ABHD2: variants seen among roughly 807,000 people sequenced by gnomAD.
ABHD2 encodes abhydrolase domain containing 2, acylglycerol lipase.
In ABHD2, 20 loss-of-function variants were observed where a neutral mutation model predicts 48.1. The observed-to-expected ratio is 0.42, with a 90% CI of 0.29 to 0.60. The LOEUF (loss-of-function observed/expected upper bound fraction) is 0.60. Ranked by LOEUF, ABHD2 falls within the 20% of genes least tolerant of loss-of-function variation. The pLI, the probability that ABHD2 is intolerant of heterozygous loss-of-function variation, is 0.24. For missense variants in ABHD2, 405 were observed against 550.9 expected (o/e 0.74, Z 2.65); for synonymous variants, 209 against 214.2 (o/e 0.98, Z 0.21).
chr15:89,193,486 A>T (rs1052273173), intron 10 of ABHD2, 167 bp downstream of exon 10: 1 of 637,092 alleles, frequency 1.6e-6, no homozygotes, highest in Admixed American at 2.6e-5. Context: ...TCGGGCTGTG[A>T]TGGGGCTTGG....
chr15:89,057,912 C>A, the ABHD2 span, among the ~76,000 whole-genome samples: 2 of 152,184 alleles, frequency 1.3e-5, no homozygotes, highest in South Asian at 2.1e-4. Context: ...TTCTTTCCTG[C>A]AGCTCTTCGC....
chr15:89,131,436 T>A (rs981513952), intron 3 of ABHD2, among the ~76,000 whole-genome samples: 2 of 152,192 alleles, frequency 1.3e-5, no homozygotes, highest in Admixed American at 1.3e-4. Flanking sequence ...TGATAGCATC[T>A]GGTGTGGCCT....
chr15:89,134,234 G>T (rs969245757), intron 3 of ABHD2, among the ~76,000 whole-genome samples: 8 of 152,238 alleles, frequency 5.3e-5, no homozygotes, highest in East Asian at 3.9e-4. Context: ...CTTCTTCACT[G>T]CAAGATTATT....
At chr15:89,061,310 C>T in the ABHD2 span, among the ~76,000 whole-genome samples, 4 of 151,546 alleles carry the variant, frequency 2.6e-5, no homozygotes, top group South Asian at 4.2e-4. Context: ...CCCAGCTACT[C>T]GGGAGGCTGA....
Position 89,182,028 on chromosome 15 carries a change from A to G in ABHD2, c.723-3396A>G, listed in dbSNP as rs888903154. 1.1e-4 allele frequency among the ~76,000 whole-genome samples: 17 copies of G among 152,228 alleles called. No homozygotes were observed. Among genetic ancestry groups the G allele is most frequent in the African/African-American group, 4.1e-4 (17 of 41,458 alleles). On this transcript the variant is annotated intron_variant, in intron 6 of 10. Transcript: ENST00000352732. This position sits in a 1 kb window ranked among gnomAD's most constrained non-coding sequence, Gnocchi z 4.8. ...TCATATTTTATTATAATTTAATGTTACATTGATTAGAAATGAAGGCATTTT... is the reference window on the plus strand; with the variant it reads ...TCATATTTTATTATAATTTAATGTTGCATTGATTAGAAATGAAGGCATTTT...
At chr15:89,048,133 T>G in the ABHD2 span, among the ~76,000 whole-genome samples, 2 of 151,180 alleles carry the variant, frequency 1.3e-5, no homozygotes, top group Admixed American at 1.3e-4. Context: ...GTCTGTAAAG[T>G]ATTTTATTTC....
chr15:89,116,663 G>A lies in ABHD2; in HGVS notation c.194+142G>A, dbSNP rs1438541480. 2.3e-6 allele frequency: 2 copies of A among 867,840 alleles called. No homozygotes were observed. Among genetic ancestry groups the A allele is most frequent in the Non-Finnish European group, 3.5e-6 (2 of 576,150 alleles). The allele number at this position is 867,840 out of a possible 1,614,324, so 53.8% of individuals were successfully genotyped here. A position where few individuals can be genotyped will look rare whatever the true frequency, so the allele number is the denominator to read the frequency against. ...ACTGGTGTTAAAATAGCCACAGTCT[G>A]ATTGCAGTCTAGTGTTTGAATCCTG... On this transcript the variant is annotated intron_variant, in intron 3 of 10. Transcript: ENST00000352732. This position sits in a 1 kb window ranked among gnomAD's most constrained non-coding sequence, Gnocchi z 4.6.
chr15:89,195,517 G>C lies in ABHD2; in HGVS notation c.*94G>C, dbSNP rs2051387146. Reference sequence around the variant, plus strand: ...GGTCTCCCATCTCCCTCAGTGACCTGGATCTGACCTCACACCATCAGCAGG... The same window carrying C: ...GGTCTCCCATCTCCCTCAGTGACCTCGATCTGACCTCACACCATCAGCAGG... On this transcript the variant is annotated 3_prime_UTR_variant, in exon 11 of 11. Transcript: ENST00000352732. The surrounding 1 kb of genome is among the most constrained non-coding windows in gnomAD (Gnocchi z 5.1). 1 of 1,376,390 alleles carries C rather than the reference G, an allele frequency of 7.3e-7. No homozygotes were observed. The highest frequency in any genetic ancestry group is 1.4e-5 in the South Asian group (1 of 71,012). The allele number at this position is 1,376,390 out of a possible 1,614,324, so 85.3% of individuals were successfully genotyped here.
the ABHD2 span, among the ~76,000 whole-genome samples, chr15:89,066,902 A>G: frequency 6.6e-6 from 1 of 152,220 alleles, no homozygotes; most frequent in African/African-American, 2.4e-5. Flanking sequence ...TCCAGATGCC[A>G]TGAAGTCTGG....
chr15:89,069,044 A>G, the ABHD2 span, among the ~76,000 whole-genome samples: 1 of 151,052 alleles, frequency 6.6e-6, no homozygotes, highest in African/African-American at 2.4e-5. Context: ...AGCTTCTAGA[A>G]CAGCACATGG....
At chr15:89,041,998 T>G in the ABHD2 span, among the ~76,000 whole-genome samples, 3 of 152,144 alleles carry the variant, frequency 2.0e-5, no homozygotes, top group African/African-American at 7.2e-5. Flanking sequence ...GCGTCCATCT[T>G]TATCTTATCC....
chr15:89,195,114 A>G lies in ABHD2; in HGVS notation c.1082-113A>G. 1 of 1,238,722 alleles carries G rather than the reference A, an allele frequency of 8.1e-7. No individual in the cohort carries two copies. The highest frequency in any genetic ancestry group is 1.1e-6 in the Non-Finnish European group (1 of 888,754). 76.7% of individuals were successfully genotyped at this position (1,238,722 alleles called of 1,614,324 possible). A position where few individuals can be genotyped will look rare whatever the true frequency, so the allele number is the denominator to read the frequency against. ...CAGAGTGAGTAGAGGTTGGATGCCC[A>G]CTTAGGTGACCCTGCGGGGACAGCC... On this transcript the variant is annotated intron_variant, in intron 10 of 10. Coordinates refer to ENST00000352732, the MANE Select transcript of ABHD2 (RefSeq NM_152924.5). The surrounding 1 kb of genome is among the most constrained non-coding windows in gnomAD (Gnocchi z 5.1).
At chr15:89,154,712 C>G (rs774863971) in intron 4 of ABHD2, among the ~76,000 whole-genome samples, 1 of 152,118 alleles carries the variant, frequency 6.6e-6, no homozygotes, top group African/African-American at 2.4e-5. Context: ...ATAAAGATGT[C>G]TCATTATTTT....
At chr15:89,041,620 C>T in the ABHD2 span, among the ~76,000 whole-genome samples, 4,148 of 152,246 alleles carry the variant, frequency 0.027, 79 homozygotes, top group Middle Eastern at 0.051. Context: ...TGCCTCTGTC[C>T]GGGCATCTGG....
the ABHD2 span, among the ~76,000 whole-genome samples, chr15:89,050,467 G>C: frequency 6.6e-6 from 1 of 151,592 alleles, no homozygotes; most frequent in Non-Finnish European, 1.5e-5. Context: ...CCGGGGTTAA[G>C]TTCCCCCCAG....
Position 89,151,564 on chromosome 15 carries a change from G to C in ABHD2, c.195-113G>C. 1 of 1,161,534 alleles carries C rather than the reference G, an allele frequency of 8.6e-7. No homozygotes were observed. The highest frequency in any genetic ancestry group is 1.5e-5 in the South Asian group (1 of 66,164). 72.0% of individuals were successfully genotyped at this position (1,161,534 alleles called of 1,614,324 possible). Reference sequence around the variant, plus strand: ...AATAAAAGCCTCATGTTTATGCTTTGTGTGCAGAATTTCCCTGGAACAAAA... The same window carrying C: ...AATAAAAGCCTCATGTTTATGCTTTCTGTGCAGAATTTCCCTGGAACAAAA... On this transcript the variant is annotated intron_variant, in intron 3 of 10. Transcript: ENST00000352732. The surrounding 1 kb of genome is among the most constrained non-coding windows in gnomAD (Gnocchi z 4.7).
At position 89,173,162 on chromosome 15, in the gene ABHD2, A is replaced by G. The variant is rs963620051; in HGVS notation, c.539-2650A>G. The stretch of plus-strand genomic sequence containing the variant: ...CGTGGTGTAGAAGCTGATATCAGCT[A>G]ATTGCTCATTGTGCTCTCAGCTGTT... On this transcript the variant is annotated intron_variant, in intron 5 of 10. Coordinates refer to ENST00000352732, the MANE Select transcript of ABHD2 (RefSeq NM_152924.5). This position sits in a 1 kb window ranked among gnomAD's most constrained non-coding sequence, Gnocchi z 6.5. Among the ~76,000 whole-genome samples, 2 of 152,224 alleles carry G rather than the reference A, an allele frequency of 1.3e-5. No homozygotes were observed. The highest frequency in any genetic ancestry group is 4.8e-5 in the African/African-American group (2 of 41,440).
intron 3 of ABHD2, among the ~76,000 whole-genome samples, chr15:89,150,071 G>T (rs957407464): frequency 6.6e-6 from 1 of 152,146 alleles, no homozygotes. Flanking sequence ...TAGACAAAAA[G>T]AAATTTTACT....
In ABHD2 at chr15:89,127,722, C is replaced by CATATATATAT. The variant is rs72455898; in HGVS notation, c.194+11210_194+11219dup. On this transcript the variant is annotated intron_variant, in intron 3 of 10. Transcript: ENST00000352732. ...ATATATATACATATATATATATACA[C>CATATATATAT]ATATATATATATATATATGTATATT... 7.3e-4 allele frequency among the ~76,000 whole-genome samples: 97 copies of CATATATATAT among 133,120 alleles called. 1 individual carries two copies. Among genetic ancestry groups the CATATATATAT allele is most frequent in the South Asian group, 5.8e-3 (26 of 4,508 alleles). The allele number at this position is 133,120 out of a possible 152,430, so 87.3% of individuals were successfully genotyped here. A position where few individuals can be genotyped will look rare whatever the true frequency, so the allele number is the denominator to read the frequency against.
Sources: allele counts gnomAD v4.1 joint callset (sites outside exome capture counted in the v4.1 genomes callset), GRCh38; gene constraint gnomAD v4.1.1; non-coding constraint Gnocchi (gnomAD v3.1); transcripts MANE v1.5; gene names NCBI Gene and HGNC (gene_info 2026-07-23, HGNC 2026-07-21).